Variants in GABRD observed in about 807,000 individuals in gnomAD.
The protein encoded by GABRD is gamma-aminobutyric acid type A receptor subunit delta.
A neutral mutation model predicts 47.3 loss-of-function variants in GABRD; 25 were observed. The observed-to-expected ratio is 0.53, with a 90% CI of 0.39 to 0.74. The LOEUF (loss-of-function observed/expected upper bound fraction) is 0.74. GABRD is among the 30% of genes least tolerant of loss of function. The pLI is 0.00. For missense variants in GABRD, 497 were observed against 643.4 expected (o/e 0.77, Z 2.46); for synonymous variants, 314 against 278.8 (o/e 1.13, Z -1.26).
At chr1:2,025,082 A>G (rs777044159) in intron 2 of GABRD, 28 bp downstream of exon 2, 1 of 1,575,494 alleles carries the variant, frequency 6.3e-7, no homozygotes. Context: ...CCCGGCAGGC[A>G]GGAGCCGCTG....
rs1451459657 is a variant in GABRD, at chr1:2,028,922, C to G, written c.692-189C>G. 1 of 666,110 alleles carries G rather than the reference C, an allele frequency of 1.5e-6. No homozygotes were observed. Among genetic ancestry groups the G allele is most frequent in the African/African-American group, 1.8e-5 (1 of 55,082 alleles). 41.3% of individuals were successfully genotyped at this position (666,110 alleles called of 1,614,324 possible). On this transcript the variant is annotated intron_variant, in intron 6 of 8. Transcript: ENST00000378585. This position sits in a 1 kb window ranked among gnomAD's most constrained non-coding sequence, Gnocchi z 6.4. ...TGACACTGCTCAGGACCAGCCTGTC[C>G]TGTGGCCAGACCTAGGGCCGGAGGC... is the stretch of plus-strand genomic sequence containing the variant.
intron 1 of GABRD, chr1:2,023,414 GTC>G (rs1419383580): frequency 6.6e-6 from 1 of 152,338 alleles, no homozygotes; most frequent in African/African-American, 2.4e-5. Context: ...CCAGGTCGCA[GTC>G]TCTGAGGGAG....
intron 1 of GABRD, chr1:2,024,065 C>T (rs993582465): frequency 6.6e-6 from 1 of 152,378 alleles, no homozygotes; most frequent in African/African-American, 2.4e-5. Context: ...GGACACCAGT[C>T]CTTGGGTTTA....
rs2102150370 is a variant in GABRD, at chr1:2,027,672, G to A, written c.553+13G>A. ...GACCTGGAGAGCTGTGAGTGGGTGT[G>A]CAAGGCGGGTAGGGGCTTCTCCAGC... On this transcript the variant is annotated intron_variant, in intron 5 of 8. Coordinates refer to ENST00000378585, the MANE Select transcript of GABRD (RefSeq NM_000815.5). 6.2e-7 allele frequency: 1 copy of A among 1,612,010 alleles called. No individual in the cohort carries two copies. Among genetic ancestry groups the A allele is most frequent in the Non-Finnish European group, 8.5e-7 (1 of 1,178,618 alleles).
rs923840254 is a variant in GABRD at position 2,027,420 on chromosome 1, C to T, written c.471-157C>T. 4.3e-6 allele frequency: 3 copies of T among 692,930 alleles called. No individual in the cohort carries two copies. In the Admixed American group the frequency reaches 6.2e-5, roughly 14 times the overall value. 42.9% of individuals were successfully genotyped at this position (692,930 alleles called of 1,614,324 possible). On this transcript the variant is annotated intron_variant, in intron 4 of 8. Coordinates refer to ENST00000378585, the MANE Select transcript of GABRD (RefSeq NM_000815.5). Reference sequence around the variant, plus strand: ...AATACTTGACGTCTATGAAGTTGAGCAGTTTCCAGGTTTACCTGGATTCTG... The same window carrying T: ...AATACTTGACGTCTATGAAGTTGAGTAGTTTCCAGGTTTACCTGGATTCTG...
At chr1:2,027,975 C>T in intron 5 of GABRD, 180 bp from the exon 6 acceptor site, 1 of 671,418 alleles carries the variant, frequency 1.5e-6, no homozygotes. Context: ...ATCCACCTGC[C>T]CGGAGGAGCC....
In GABRD at chr1:2,025,678, T is replaced by G; in HGVS notation, c.410T>G (p.Val137Gly). 1 of 1,612,932 alleles carries G rather than the reference T, an allele frequency of 6.2e-7. No individual in the cohort carries two copies. Among genetic ancestry groups the G allele is most frequent in the Non-Finnish European group, 8.5e-7 (1 of 1,179,990 alleles). ...VNAKSAWFHD[V>G]TVENKLIRLQ... Reference sequence around the variant, plus strand: ...GCCAAGTCGGCCTGGTTCCACGACGTGACGGTGGAGAACAAGCTCATCCGG... The same window carrying G: ...GCCAAGTCGGCCTGGTTCCACGACGGGACGGTGGAGAACAAGCTCATCCGG... Residue 137 changes from valine to glycine, a missense_variant, in exon 4 of 9, where the codon GTG (valine) becomes GGG (glycine). Physicochemically the swap from Val to Gly is moderately radical, Grantham distance 109 (BLOSUM62 -3). Coordinates refer to ENST00000378585, the MANE Select transcript of GABRD (RefSeq NM_000815.5).
rs1225295575 is a variant in GABRD at position 2,028,540 on chromosome 1, G to A, written c.691+248G>A. On this transcript the variant is annotated intron_variant, in intron 6 of 8. Coordinates refer to ENST00000378585, the MANE Select transcript of GABRD (RefSeq NM_000815.5). The surrounding 1 kb of genome is among the most constrained non-coding windows in gnomAD (Gnocchi z 6.4). Reference sequence around the variant, plus strand: ...CTTCCAGGCCTGCCATTGTGTGGGCGTGGGTCAGGCCTTCCCATCTCACTC... The same window carrying A: ...CTTCCAGGCCTGCCATTGTGTGGGCATGGGTCAGGCCTTCCCATCTCACTC... Among the ~76,000 whole-genome samples, 4 of 152,130 alleles carry A rather than the reference G, an allele frequency of 2.6e-5. No individual in the cohort carries two copies. Among genetic ancestry groups the A allele is most frequent in the East Asian group, 3.9e-4 (2 of 5,182 alleles).
At chr1:2,025,789 C>T (rs545154696) in intron 4 of GABRD, 51 bp downstream of exon 4, 19 of 1,539,378 alleles carry the variant, frequency 1.2e-5, no homozygotes, top group African/African-American at 1.4e-5. Flanking sequence ...CCGGGCCAAG[C>T]GTCGGCGCCT....
chr1:2,025,952 A>T (rs1658914803), intron 4 of GABRD, among the ~76,000 whole-genome samples: 1 of 152,262 alleles, frequency 6.6e-6, no homozygotes, highest in Admixed American at 6.5e-5. Flanking sequence ...AAGCCGGCAG[A>T]TGTGGCTTTT....
In GABRD at chr1:2,027,632, C is replaced by T. The variant is rs1658963952; in HGVS notation, c.526C>T (p.Gln176Ter). 2 of 1,613,788 alleles carry T rather than the reference C, an allele frequency of 1.2e-6. No homozygotes were observed. The highest frequency in any genetic ancestry group is 1.7e-6 in the Non-Finnish European group (2 of 1,179,970). The change falls in exon 5 of 9, where the codon CAG becomes TAG. Residue 176 changes from glutamine (Q) to a stop codon, truncating the protein, a stop_gained. Coordinates refer to ENST00000378585, the MANE Select transcript of GABRD (RefSeq NM_000815.5). LOFTEE classifies it high-confidence loss of function. ...CCTGGCCAAATACCCCATGGACGAG[C>T]AGGAGTGCATGCTGGACCTGGAGAG... ...MDLAKYPMDEQECMLDLESYG... is the reference protein window; with the variant it reads ...MDLAKYPMDE
intron 4 of GABRD, 75 bp downstream of exon 4, chr1:2,025,813 C>G: frequency 7.4e-7 from 1 of 1,359,814 alleles, no homozygotes; most frequent in Non-Finnish European, 1.0e-6. Flanking sequence ...CGCTCCAAGG[C>G]TTGGAAAAGC....
At chr1:2,027,803 G>A in intron 5 of GABRD, 144 bp downstream of exon 5, 1 of 777,094 alleles carries the variant, frequency 1.3e-6, no homozygotes, top group Non-Finnish European at 2.2e-6. Flanking sequence ...AGCCTGGGCA[G>A]GAGGAGAAGG....
chr1:2,025,608 C>G lies in GABRD; in HGVS notation c.340C>G (p.Arg114Gly). The G allele has an allele frequency of 6.2e-7, 1 of 1,613,082 alleles. No individual in the cohort carries two copies. Among genetic ancestry groups the G allele is most frequent in the Non-Finnish European group, 8.5e-7 (1 of 1,180,006 alleles). ...CAACGAGACCCTGGGTCTGGACAGC[C>G]GCTTCGTGGACAAGCTGTGGCTGCC... ...HTNETLGLDS[R>G]FVDKLWLPDT... Residue 114 changes from arginine (R) to glycine (G), a missense_variant, in exon 4 of 9, where the codon CGC becomes GGC. Arg to Gly is a moderately radical substitution (Grantham distance 125). Coordinates refer to ENST00000378585, the MANE Select transcript of GABRD (RefSeq NM_000815.5).
At chr1:2,025,880 G>T (rs1352357097) in intron 4 of GABRD, 142 bp downstream of exon 4, 7 of 675,912 alleles carry the variant, frequency 1.0e-5, no homozygotes, top group Non-Finnish European at 5.0e-6. Flanking sequence ...GGCAGAAGCT[G>T]CGCGGTTATT....
chr1:2,028,090 C>T lies in GABRD; in HGVS notation c.554-65C>T, dbSNP rs567046589. ...CTGCAGGCTTCCTGTGTGGACGGAG[C>T]GCTCCTGCCAGGGCTCCCGGGGCAG... On this transcript the variant is annotated intron_variant, in intron 5 of 8. Coordinates refer to ENST00000378585, the MANE Select transcript of GABRD (RefSeq NM_000815.5). The surrounding 1 kb of genome is among the most constrained non-coding windows in gnomAD (Gnocchi z 6.4). The T allele has an allele frequency of 8.4e-6, 13 of 1,554,024 alleles. No individual in the cohort carries two copies. The highest frequency in any genetic ancestry group is 5.4e-5 in the African/African-American group (4 of 73,724).
In GABRD at chr1:2,025,003, C is replaced by G; in HGVS notation, c.130C>G (p.Leu44Val). The G allele has an allele frequency of 6.2e-7, 1 of 1,612,892 alleles. No individual in the cohort carries two copies. The highest frequency in any genetic ancestry group is 8.5e-7 in the Non-Finnish European group (1 of 1,179,874). The change falls in exon 2 of 9, where the codon CTG becomes GTG. Residue 44 changes from leucine (L) to valine (V), a missense_variant. Coordinates refer to ENST00000378585, the MANE Select transcript of GABRD (RefSeq NM_000815.5). ...SNLEISWLPN[L>V]DGLIAGYARN... ...CCTGGAGATCTCCTGGCTCCCCAAC[C>G]TGGACGGGCTGATAGCCGGCTACGC...
At chr1:2,021,678 C>T (rs1209532542) in intron 1 of GABRD, among the ~76,000 whole-genome samples, 3 of 152,194 alleles carry the variant, frequency 2.0e-5, no homozygotes, top group East Asian at 1.9e-4. Context: ...CCCGGGCTGC[C>T]GGCACCTCCG....
chr1:2,021,357 A>T (rs1442092737), intron 1 of GABRD, among the ~76,000 whole-genome samples: 1 of 151,982 alleles, frequency 6.6e-6, no homozygotes, highest in East Asian at 1.9e-4. Context: ...CCTAGGGGCC[A>T]CCTTCAGACT....
Sources: gnomAD v4.1 joint callset for allele counts (sites outside exome capture counted in the v4.1 genomes callset) on GRCh38, gnomAD v4.1.1 for gene constraint, Gnocchi (gnomAD v3.1) non-coding constraint, MANE v1.5 for transcripts, NCBI Gene and HGNC (gene_info 2026-07-23, HGNC 2026-07-21) for gene names.